RIMS2: variants seen among roughly 807,000 people sequenced by gnomAD.
RIMS2 encodes the protein regulating synaptic membrane exocytosis protein 2.
RIMS2 carries 59 observed loss-of-function variants against 174.4 expected under a neutral mutation model. The ratio of observed to expected loss-of-function variants is 0.34; its 90% CI spans 0.27 to 0.42. RIMS2 has a LOEUF of 0.42. RIMS2 is among the 10% of genes least tolerant of loss of function. The pLI is 1.00. For synonymous variants in RIMS2, 606 were observed against 572.5 expected (o/e 1.06, Z -0.84); for missense variants, 1,620 against 1,666.3 (o/e 0.97, Z 0.48).
intron 19 of RIMS2, among the ~76,000 whole-genome samples, chr8:104,204,498 G>A (rs1049920540): frequency 2.0e-5 from 3 of 151,988 alleles, no homozygotes; most frequent in Non-Finnish European, 4.4e-5. Flanking sequence ...TACAGAAGCT[G>A]GTGTTAAATT....
intron 17 of RIMS2, among the ~76,000 whole-genome samples, chr8:104,012,593 GT>G (rs2095798243): frequency 6.6e-6 from 1 of 152,006 alleles, no homozygotes; most frequent in Non-Finnish European, 1.5e-5. Flanking sequence ...CAAAGCTAGT[GT>G]TTTTAAAGTC....
In RIMS2 at chr8:104,112,459, A is replaced by G. The variant is rs78273336; in HGVS notation, c.3334+97844A>G. 1.0e-3 allele frequency among the ~76,000 whole-genome samples: 157 copies of G among 152,212 alleles called. 1 individual carries two copies. The East Asian group carries it at 0.021, about 20-fold the overall frequency. On this transcript the variant is annotated intron_variant, in intron 19 of 23. Transcript: ENST00000504942. Reference sequence around the variant, plus strand: ...ATTTCTATATAATACCTACATACGTATATGATATATACATACATACATGAT... The same window carrying G: ...ATTTCTATATAATACCTACATACGTGTATGATATATACATACATACATGAT...
At chr8:104,147,636 A>C (rs1266160449) in intron 19 of RIMS2, among the ~76,000 whole-genome samples, 1 of 152,224 alleles carries the variant, frequency 6.6e-6, no homozygotes, top group East Asian at 1.9e-4. Context: ...TCATTATCAG[A>C]ACCAAAGTAA....
intron 3 of RIMS2, among the ~76,000 whole-genome samples, chr8:103,855,808 A>C (rs1325321626): frequency 6.6e-6 from 1 of 152,192 alleles, no homozygotes; most frequent in Non-Finnish European, 1.5e-5. Flanking sequence ...TTCCATGTGC[A>C]GATGGGAACA....
chr8:104,098,136 A>C lies in RIMS2; in HGVS notation c.3334+83521A>C, dbSNP rs1043744728. Among the ~76,000 whole-genome samples, 14 of 152,310 alleles carry C rather than the reference A, an allele frequency of 9.2e-5. 1 individual carries two copies. Among genetic ancestry groups the C allele is most frequent in the African/African-American group, 3.4e-4 (14 of 41,586 alleles). ...GAATGTAAAAGTAGAAATGAATAGC[A>C]AAAAGTAAGTTCAAAAATAGTTTGT... On this transcript the variant is annotated intron_variant, in intron 19 of 23. Transcript: ENST00000504942.
chr8:104,234,320 G>C, intron 19 of RIMS2, among the ~76,000 whole-genome samples: 1 of 151,984 alleles, frequency 6.6e-6, no homozygotes. Context: ...TAACTTGAGA[G>C]TTACGAAGAG....
At position 104,022,627 on chromosome 8, in the gene RIMS2, C is replaced by T. The variant is rs1033398136; in HGVS notation, c.3334+8012C>T. 3.3e-5 allele frequency among the ~76,000 whole-genome samples: 5 copies of T among 152,142 alleles called. No individual in the cohort carries two copies. The East Asian group carries it at 5.8e-4, about 18-fold the overall frequency. ...AACTCCTGACCTCAGGTGATCCTCC[C>T]GCCTCGTCTCGGCCTCCCAAAGTGC... On this transcript the variant is annotated intron_variant, in intron 19 of 23. Transcript: ENST00000504942.
At chr8:103,683,821 T>C (rs2096908027) in intron 1 of RIMS2, among the ~76,000 whole-genome samples, 1 of 152,154 alleles carries the variant, frequency 6.6e-6, no homozygotes, top group Non-Finnish European at 1.5e-5. Context: ...CCTCCTGTAG[T>C]GGTGCTTGTT....
At chr8:103,941,477 A>G (rs1240432312) in intron 13 of RIMS2, among the ~76,000 whole-genome samples, 1 of 101,024 alleles carries the variant, frequency 9.9e-6, no homozygotes, top group African/African-American at 2.8e-5. Context: ...ACATAGCAAG[A>G]CCCTGTCTCA....
intron 1 of RIMS2, among the ~76,000 whole-genome samples, chr8:103,564,743 C>G (rs2092117522): frequency 1.3e-5 from 2 of 152,122 alleles, no homozygotes; most frequent in South Asian, 4.1e-4. Context: ...TTAGATGGTG[C>G]CCACCCAGAT....
chr8:103,908,961 C>T (rs2075088721), intron 4 of RIMS2, among the ~76,000 whole-genome samples: 1 of 152,144 alleles, frequency 6.6e-6, no homozygotes, highest in Non-Finnish European at 1.5e-5. Flanking sequence ...ATACTATATT[C>T]TTCTTCATTC....
At chr8:104,181,509 C>G (rs1182966313) in intron 19 of RIMS2, among the ~76,000 whole-genome samples, 1 of 151,556 alleles carries the variant, frequency 6.6e-6, no homozygotes, top group African/African-American at 2.4e-5. Context: ...GTATCCCAAA[C>G]TTAAACTGTA....
At chr8:103,937,597 C>T (rs565866278) in intron 13 of RIMS2, among the ~76,000 whole-genome samples, 32 of 152,100 alleles carry the variant, frequency 2.1e-4, no homozygotes, top group South Asian at 2.1e-4. Flanking sequence ...AATAGGAATA[C>T]GTAATTGCTG....
chr8:103,925,391 T>A (rs916705721), intron 10 of RIMS2, among the ~76,000 whole-genome samples: 4 of 151,592 alleles, frequency 2.6e-5, no homozygotes, highest in African/African-American at 9.7e-5. Flanking sequence ...TCTATCTCCC[T>A]AGAAACTCCA....
chr8:104,068,873 A>G (rs1259172495), intron 19 of RIMS2, among the ~76,000 whole-genome samples: 3 of 152,218 alleles, frequency 2.0e-5, no homozygotes, highest in Admixed American at 6.5e-5. Flanking sequence ...TGTAAAATCT[A>G]TAGCCCCTCA....
chr8:103,542,471 A>C (rs1842982889), intron 1 of RIMS2, among the ~76,000 whole-genome samples: 1 of 152,230 alleles, frequency 6.6e-6, no homozygotes, highest in East Asian at 1.9e-4. Flanking sequence ...AGGAGTGAAT[A>C]CTTCCAGACT....
At chr8:103,695,113 T>C (rs777642801) in intron 1 of RIMS2, among the ~76,000 whole-genome samples, 2 of 152,238 alleles carry the variant, frequency 1.3e-5, no homozygotes, top group African/African-American at 2.4e-5. Context: ...CTGTTTATGC[T>C]GTGTTGTCTG....
intron 3 of RIMS2, among the ~76,000 whole-genome samples, chr8:103,781,992 C>T (rs2098394897): frequency 6.6e-6 from 1 of 151,910 alleles, no homozygotes. Context: ...CGGTGATCCG[C>T]CCACCTCGGC....
intron 4 of RIMS2, among the ~76,000 whole-genome samples, chr8:103,905,682 T>C (rs1276194054): frequency 6.6e-6 from 1 of 151,794 alleles, no homozygotes; most frequent in Non-Finnish European, 1.5e-5. Context: ...TTTTAGCCCA[T>C]TCACTTTCTT....
Sources: allele counts gnomAD v4.1 joint callset (sites outside exome capture counted in the v4.1 genomes callset), GRCh38; gene constraint gnomAD v4.1.1; transcripts MANE v1.5; gene names NCBI Gene and HGNC (gene_info 2026-07-23, HGNC 2026-07-21).